Variants in GHR observed in about 807,000 individuals in gnomAD.
GHR encodes GH receptor.
In GHR, 35 loss-of-function variants were observed where a neutral mutation model predicts 67.1. The observed-to-expected ratio is 0.52, with a 90% CI of 0.40 to 0.69. The LOEUF (loss-of-function observed/expected upper bound fraction) is 0.69. Among genes scored for constraint, GHR ranks in the 30% least tolerant of loss-of-function variants. The pLI is 0.00. For missense variants in GHR, 792 were observed against 764.6 expected (o/e 1.04, Z -0.42); for synonymous variants, 272 against 269.1 (o/e 1.01, Z -0.10).
chr5:42,479,169 T>C (rs1745489141), intron 1 of GHR, among the ~76,000 whole-genome samples: 1 of 152,206 alleles, frequency 6.6e-6, no homozygotes, highest in Admixed American at 6.5e-5. Context: ...TTGGTTCTGT[T>C]TATATGCTGG....
At chr5:42,552,535 T>A (rs999739981) in intron 1 of GHR, among the ~76,000 whole-genome samples, 1 of 152,312 alleles carries the variant, frequency 6.6e-6, no homozygotes, top group African/African-American at 2.4e-5. Flanking sequence ...AAAAAATTTT[T>A]AAAAATAAAT....
chr5:42,650,025 G>A (rs1754936027), intron 3 of GHR, among the ~76,000 whole-genome samples: 1 of 152,162 alleles, frequency 6.6e-6, no homozygotes, highest in Non-Finnish European at 1.5e-5. Flanking sequence ...CAACCTTCTA[G>A]TGAAGTGAGA....
intron 3 of GHR, among the ~76,000 whole-genome samples, chr5:42,652,091 G>T (rs1350411564): frequency 1.3e-5 from 2 of 152,132 alleles, no homozygotes; most frequent in Non-Finnish European, 2.9e-5. Flanking sequence ...TACATTATCT[G>T]CTGCAGGAAT....
At chr5:42,533,898 A>G (rs575271813) in intron 1 of GHR, among the ~76,000 whole-genome samples, 2 of 148,510 alleles carry the variant, frequency 1.3e-5, no homozygotes, top group African/African-American at 2.5e-5. Context: ...CTCATAGCTT[A>G]GCCCCCACAT....
chr5:42,598,258 G>T (rs1469682266), intron 2 of GHR, among the ~76,000 whole-genome samples: 1 of 152,160 alleles, frequency 6.6e-6, no homozygotes, highest in Non-Finnish European at 1.5e-5. Flanking sequence ...GGAGGAAGGG[G>T]AGACTCAGGG....
chr5:42,700,520 T>C (rs1757883952), intron 6 of GHR, among the ~76,000 whole-genome samples: 1 of 152,210 alleles, frequency 6.6e-6, no homozygotes, highest in Non-Finnish European at 1.5e-5. Context: ...GATTCTTATG[T>C]AGGCAATTAG....
chr5:42,576,130 AAATAAAATAAAAT>A (rs1305627170), intron 2 of GHR, among the ~76,000 whole-genome samples: 2,329 of 98,842 alleles, frequency 0.024, 49 homozygotes, highest in African/African-American at 0.035. Context: ...AAATAAAATA[AAATAAAATAAAAT>A]AGTAAAGTAA....
intron 1 of GHR, among the ~76,000 whole-genome samples, chr5:42,443,986 G>GAT (rs961939834): frequency 6.6e-6 from 1 of 151,806 alleles, no homozygotes; most frequent in Non-Finnish European, 1.5e-5. Flanking sequence ...TATAGATATA[G>GAT]ATATAGACAT....
intron 1 of GHR, among the ~76,000 whole-genome samples, chr5:42,471,040 C>G (rs1744990268): frequency 4.6e-5 from 7 of 152,182 alleles, no homozygotes. Context: ...ACTATTTACA[C>G]TATGGTAAAC....
chr5:42,507,689 A>G (rs1391834179), intron 1 of GHR, among the ~76,000 whole-genome samples: 1 of 152,248 alleles, frequency 6.6e-6, no homozygotes, highest in Non-Finnish European at 1.5e-5. Flanking sequence ...AGAAGCTATT[A>G]TCTCTTCTGG....
chr5:42,468,625 C>A, intron 1 of GHR: 1 of 1,060,554 alleles, frequency 9.4e-7, no homozygotes, highest in Non-Finnish European at 1.4e-6. Context: ...TGGAGGGCAG[C>A]GGGTTCTTGC....
chr5:42,634,396 A>ACC (rs11440371), intron 3 of GHR, among the ~76,000 whole-genome samples: 1 of 151,490 alleles, frequency 6.6e-6, no homozygotes, highest in African/African-American at 2.4e-5. Context: ...TGCTTTTTGC[A>ACC]CCCCCCCTTA....
At chr5:42,608,042 T>C (rs1752710146) in intron 2 of GHR, among the ~76,000 whole-genome samples, 1 of 152,210 alleles carries the variant, frequency 6.6e-6, no homozygotes, top group African/African-American at 2.4e-5. Flanking sequence ...TAGGAATTCA[T>C]TCAAAAGACC....
intron 1 of GHR, among the ~76,000 whole-genome samples, chr5:42,561,933 G>A (rs1749630088): frequency 6.6e-6 from 1 of 152,094 alleles, no homozygotes; most frequent in African/African-American, 2.4e-5. Flanking sequence ...TCTTATGACA[G>A]CATTTGAGTA....
At chr5:42,618,813 G>A (rs889673227) in intron 2 of GHR, among the ~76,000 whole-genome samples, 2 of 152,080 alleles carry the variant, frequency 1.3e-5, no homozygotes, top group African/African-American at 2.4e-5. Flanking sequence ...CAAGGATAAT[G>A]GTGTAAGGTA....
chr5:42,454,378 C>T (rs1744172461), intron 1 of GHR, among the ~76,000 whole-genome samples: 1 of 152,176 alleles, frequency 6.6e-6, no homozygotes, highest in Non-Finnish European at 1.5e-5. Context: ...TTCCTGGGAG[C>T]AATATTATTG....
At chr5:42,648,377 G>A (rs1044351445) in intron 3 of GHR, among the ~76,000 whole-genome samples, 3 of 152,168 alleles carry the variant, frequency 2.0e-5, no homozygotes, top group African/African-American at 7.2e-5. Context: ...TTTCTAGGGT[G>A]AGGGGACATG....
At chr5:42,680,283 C>T (rs932938526) in intron 3 of GHR, among the ~76,000 whole-genome samples, 2 of 152,146 alleles carry the variant, frequency 1.3e-5, no homozygotes, top group Non-Finnish European at 2.9e-5. Context: ...GGCTTATGTT[C>T]AATAATAGCC....
intron 2 of GHR, among the ~76,000 whole-genome samples, chr5:42,616,341 C>T (rs574342604): frequency 6.6e-6 from 1 of 152,024 alleles, no homozygotes; most frequent in South Asian, 2.1e-4. Context: ...TGAGATGGAA[C>T]TGAAAGAACT....
Sources: allele counts gnomAD v4.1 joint callset (sites outside exome capture counted in the v4.1 genomes callset), GRCh38; gene constraint gnomAD v4.1.1; transcripts MANE v1.5; gene names NCBI Gene and HGNC (gene_info 2026-07-23, HGNC 2026-07-21).